The following MAEA variants were observed in gnomAD, a reference collection of about 807,000 sequenced individuals.
MAEA encodes macrophage erythroblast attacher, E3 ubiquitin ligase.
MAEA carries 22 observed loss-of-function variants against 46.2 expected under a neutral mutation model. The observed-to-expected ratio is 0.48, with a 90% CI of 0.34 to 0.68. MAEA has a LOEUF of 0.68. MAEA is among the 30% of genes least tolerant of loss of function. The pLI is 0.01. For synonymous variants in MAEA, 246 were observed against 222.6 expected (o/e 1.11, Z -0.94); for missense variants, 393 against 558.1 (o/e 0.70, Z 2.98).
chr4:1,319,884 A>C (rs1737805917), intron 3 of MAEA, among the ~76,000 whole-genome samples: 1 of 151,870 alleles, frequency 6.6e-6, no homozygotes, highest in Non-Finnish European at 1.5e-5. Context: ...TCCAGAAAAG[A>C]ATCATCAAAG....
chr4:1,296,787 T>C (rs938505873), intron 1 of MAEA, among the ~76,000 whole-genome samples: 1 of 152,084 alleles, frequency 6.6e-6, no homozygotes, highest in African/African-American at 2.4e-5. Flanking sequence ...AAGCGGTCAG[T>C]CCACAGCGGA....
intron 4 of MAEA, chr4:1,323,480 C>T (rs1159767727): frequency 1.4e-6 from 1 of 702,428 alleles, no homozygotes; most frequent in Non-Finnish European, 2.6e-6. Flanking sequence ...CCAGGAGTGA[C>T]ACACTGCCAC....
chr4:1,339,175 A>G lies in MAEA; in HGVS notation c.*6A>G. The G allele has an allele frequency of 6.2e-7, 1 of 1,612,456 alleles. No homozygotes were observed. Among genetic ancestry groups the G allele is most frequent in the Non-Finnish European group, 8.5e-7 (1 of 1,178,692 alleles). ...AGAAGGTGTACATCATGTAGGCCCC[A>G]CGTCGTGAAGCGCACGCCTCGGGGA... On this transcript the variant is annotated 3_prime_UTR_variant, in exon 9 of 9. Coordinates refer to ENST00000303400, the MANE Select transcript of MAEA (RefSeq NM_001017405.3).
chr4:1,293,783 T>C (rs1389750859), intron 1 of MAEA, among the ~76,000 whole-genome samples: 7 of 152,230 alleles, frequency 4.6e-5, no homozygotes, highest in Non-Finnish European at 8.8e-5. Context: ...ACAGGAAGAT[T>C]TGCATGTTCT....
intron 3 of MAEA, among the ~76,000 whole-genome samples, chr4:1,316,537 A>G (rs917243286): frequency 1.3e-5 from 2 of 152,074 alleles, no homozygotes. Context: ...TCCCGGGCCC[A>G]GCCTCCCCAT....
chr4:1,310,083 CCTG>C (rs1349682198), intron 1 of MAEA: 10 of 1,006,124 alleles, frequency 9.9e-6, no homozygotes, highest in Non-Finnish European at 1.2e-5. Context: ...GACTTTCTGT[CCTG>C]CTCTTGTGAG....
At chr4:1,291,416 C>T (rs1192515405) in intron 1 of MAEA, among the ~76,000 whole-genome samples, 1 of 152,156 alleles carries the variant, frequency 6.6e-6, no homozygotes, top group African/African-American at 2.4e-5. Context: ...TAGATCCCTC[C>T]AAGATGTAGG....
intron 1 of MAEA, among the ~76,000 whole-genome samples, chr4:1,302,518 A>T (rs928684100): frequency 1.3e-5 from 2 of 152,264 alleles, no homozygotes; most frequent in Non-Finnish European, 2.9e-5. Flanking sequence ...CTCTGTCACC[A>T]GGCTGGAGTG....
intron 2 of MAEA, among the ~76,000 whole-genome samples, chr4:1,314,543 T>C (rs1736893798): frequency 6.6e-6 from 1 of 152,130 alleles, no homozygotes; most frequent in South Asian, 2.1e-4. Flanking sequence ...AGCAGAAACC[T>C]GTGGCATGTT....
intron 2 of MAEA, chr4:1,312,423 A>ATTTTTTTTTTTTTTTTTTT (rs34329974): frequency 6.2e-6 from 1 of 161,780 alleles, no homozygotes; most frequent in Non-Finnish European, 1.1e-5. Context: ...AGGTTGATTG[A>ATTTTTTTTTTTTTTTTTTT]TTTTTTTTTT....
At chr4:1,292,790 G>GCTGTGT (rs1734227707) in intron 1 of MAEA, among the ~76,000 whole-genome samples, 1 of 152,098 alleles carries the variant, frequency 6.6e-6, no homozygotes. Context: ...CCTGGCTGTG[G>GCTGTGT]CTGTGTCTTT....
rs1736577407 is a variant in MAEA, at chr4:1,312,102, G to T, written c.193G>T (p.Asp65Tyr). The change falls in exon 2 of 9, where the codon GAC becomes TAC. Residue 65 changes from aspartate (D) to tyrosine (Y), a missense_variant. Transcript: ENST00000303400. ...GACGTTGAGCGGCTGCCCCGCCGTG[G>T]ACTCCGTGGTCAGCCTGCTGGACGG... ...EKTLSGCPAV[D>Y]SVVSLLDGVV... The T allele has an allele frequency of 6.2e-7, 1 of 1,613,766 alleles. No individual in the cohort carries two copies. The highest frequency in any genetic ancestry group is 8.5e-7 in the Non-Finnish European group (1 of 1,180,058).
intron 4 of MAEA, among the ~76,000 whole-genome samples, chr4:1,323,890 C>T (rs1187636135): frequency 6.6e-6 from 1 of 152,096 alleles, no homozygotes; most frequent in Non-Finnish European, 1.5e-5. Flanking sequence ...GCCTGGGGGA[C>T]GAGTGTGCCT....
intron 7 of MAEA, chr4:1,338,200 G>C (rs965620488): frequency 6.0e-6 from 3 of 498,490 alleles, no homozygotes; most frequent in Non-Finnish European, 1.1e-5. Context: ...GCTGGAGGCC[G>C]GGGTGAGAAG....
intron 1 of MAEA, among the ~76,000 whole-genome samples, chr4:1,302,174 T>G (rs1481506876): frequency 6.6e-6 from 1 of 152,180 alleles, no homozygotes; most frequent in African/African-American, 2.4e-5. Flanking sequence ...CTAAGTAGGA[T>G]TTCCCCCAGA....
At chr4:1,327,242 C>G (rs565337525) in intron 4 of MAEA, among the ~76,000 whole-genome samples, 26 of 152,346 alleles carry the variant, frequency 1.7e-4, no homozygotes, top group African/African-American at 5.5e-4. Flanking sequence ...GGCCTCAGGG[C>G]GGGACCCAGG....
intron 1 of MAEA, chr4:1,299,687 C>A (rs1224806737): frequency 6.6e-6 from 1 of 152,552 alleles, no homozygotes; most frequent in African/African-American, 2.4e-5. Flanking sequence ...GTCTGGAGCG[C>A]TCCTTCCACA....
At chr4:1,300,307 T>C (rs755492344) in intron 1 of MAEA, among the ~76,000 whole-genome samples, 3 of 152,198 alleles carry the variant, frequency 2.0e-5, no homozygotes, top group Non-Finnish European at 4.4e-5. Context: ...GTTCTTTTTG[T>C]GTTTGATAAA....
chr4:1,315,777 AGTGTGT>A (rs1252518229), intron 3 of MAEA, among the ~76,000 whole-genome samples, 177 bp downstream of exon 3: 1 of 71,558 alleles, frequency 1.4e-5, no homozygotes, highest in Non-Finnish European at 2.5e-5. Context: ...TCCCCCCTCC[AGTGTGT>A]GTGTGTGTCC....
Sources: allele counts gnomAD v4.1 joint callset (sites outside exome capture counted in the v4.1 genomes callset), GRCh38; gene constraint gnomAD v4.1.1; transcripts MANE v1.5; gene names NCBI Gene and HGNC (gene_info 2026-07-23, HGNC 2026-07-21).